The following CASP5 variants were observed in gnomAD, a reference collection of about 807,000 sequenced individuals.
CASP5 encodes caspase-5.
Under a neutral mutation model 45.2 loss-of-function variants are expected in CASP5, and 42 were observed. The observed-to-expected ratio is 0.93, with a 90% confidence interval of 0.73 to 1.20. The LOEUF is 1.20. CASP5 is among the 50% of genes most tolerant of loss of function. The pLI is 0.00. For missense variants in CASP5, 512 were observed against 532.2 expected (o/e 0.96, Z 0.37); for synonymous variants, 209 against 186.2 (o/e 1.12, Z -1.00).
chr11:105,009,770 CG>C (rs1862205849), intron 1 of CASP5, among the ~76,000 whole-genome samples: 2 of 42,956 alleles, frequency 4.7e-5, no homozygotes, highest in East Asian at 5.6e-4. Context: ...CACACACACA[CG>C]TATATATATA....
chr11:105,012,688 A>T (rs1862408596), intron 1 of CASP5, among the ~76,000 whole-genome samples: 1 of 151,844 alleles, frequency 6.6e-6, no homozygotes, highest in Non-Finnish European at 1.5e-5. Context: ...ATCACCAGGG[A>T]CATTAAAACC....
intron 2 of CASP5, among the ~76,000 whole-genome samples, chr11:105,008,602 G>C (rs1191292879): frequency 6.6e-6 from 1 of 151,934 alleles, no homozygotes; most frequent in African/African-American, 2.4e-5. Flanking sequence ...CTGAACCCAA[G>C]GACTCAGCCT....
chr11:105,012,335 CA>C (rs1016215994), intron 1 of CASP5, among the ~76,000 whole-genome samples: 6 of 151,668 alleles, frequency 4.0e-5, no homozygotes, highest in African/African-American at 1.5e-4. Flanking sequence ...AACTACTACA[CA>C]AAAACGTGGA....
At chr11:104,998,228 T>G (rs1861553195) in intron 7 of CASP5, among the ~76,000 whole-genome samples, 2 of 152,202 alleles carry the variant, frequency 1.3e-5, no homozygotes, top group African/African-American at 4.8e-5. Context: ...ACATTAAATA[T>G]GTACAGTTTT....
chr11:105,020,383 G>A (rs11226590), intron 1 of CASP5, among the ~76,000 whole-genome samples: 3,230 of 151,410 alleles, frequency 0.021, 53 homozygotes, highest in Non-Finnish European at 0.033. Context: ...GTTTGCAGAC[G>A]ACATGATTGT....
chr11:105,019,403 C>T (rs1216902526), intron 1 of CASP5, among the ~76,000 whole-genome samples: 7 of 149,360 alleles, frequency 4.7e-5, no homozygotes, highest in African/African-American at 7.4e-5. Context: ...ATTCATAGAC[C>T]GCTAGCAAGA....
At chr11:105,013,640 TAATA>T (rs1449550632) in intron 1 of CASP5, among the ~76,000 whole-genome samples, 1 of 152,076 alleles carries the variant, frequency 6.6e-6, no homozygotes, top group South Asian at 2.1e-4. Flanking sequence ...AAGTTTAAAA[TAATA>T]AATAAATGAC....
rs543534282 is a variant in CASP5, at chr11:105,019,719, C to T, written c.7+3411G>A. 1.9e-4 allele frequency among the ~76,000 whole-genome samples: 27 copies of T among 143,504 alleles called. 2 individuals are homozygous for T. Among genetic ancestry groups the T allele is most frequent in the African/African-American group, 6.8e-4 (27 of 39,990 alleles). 94.1% of individuals were successfully genotyped at this position (143,504 alleles called of 152,430 possible). A position where few individuals can be genotyped will look rare whatever the true frequency, so the allele number is the denominator to read the frequency against. On this transcript the variant is annotated intron_variant, in intron 1 of 9. Coordinates refer to ENST00000260315, the MANE Select transcript of CASP5 (RefSeq NM_004347.5). ...CAGATGGATTCACAGCCGAATTCTACCAGAGGTACAAGGAGGAACTGGTAC... is the reference window on the plus strand; with the variant it reads ...CAGATGGATTCACAGCCGAATTCTATCAGAGGTACAAGGAGGAACTGGTAC...
intron 1 of CASP5, among the ~76,000 whole-genome samples, chr11:105,020,822 T>C (rs1202131906): frequency 6.6e-6 from 1 of 152,074 alleles, no homozygotes. Context: ...ACAGTTCATA[T>C]GGAACCAAAA....
chr11:105,008,581 C>T (rs945991027), intron 2 of CASP5, among the ~76,000 whole-genome samples: 4 of 151,966 alleles, frequency 2.6e-5, no homozygotes, highest in Non-Finnish European at 4.4e-5. Flanking sequence ...TTAATTATTT[C>T]CATGCACAAT....
At chr11:105,013,823 A>C (rs542720) in intron 1 of CASP5, among the ~76,000 whole-genome samples, 14,361 of 151,518 alleles carry the variant, frequency 0.095, 964 homozygotes, top group Admixed American at 0.21. Flanking sequence ...ATAGTAAAAA[A>C]TAATACCTAA....
At position 105,002,564 on chromosome 11, in the gene CASP5, G is replaced by T. The variant is rs561357148; in HGVS notation, c.544-363C>A. Among the ~76,000 whole-genome samples, 186 of 152,186 alleles carry T rather than the reference G, an allele frequency of 1.2e-3. 3 individuals carry two copies. In the South Asian group the frequency reaches 0.036, roughly 29 times the overall value. ...AAATTTTCTTTGCCTTCCGTATTATGATTATTTTGGTACTATTTTAAAAAC... is the reference window on the plus strand; with the variant it reads ...AAATTTTCTTTGCCTTCCGTATTATTATTATTTTGGTACTATTTTAAAAAC... On this transcript the variant is annotated intron_variant, in intron 4 of 9. Coordinates refer to ENST00000260315, the MANE Select transcript of CASP5 (RefSeq NM_004347.5).
chr11:104,997,938 A>G (rs1277218659), intron 7 of CASP5, among the ~76,000 whole-genome samples: 2 of 152,218 alleles, frequency 1.3e-5, no homozygotes, highest in African/African-American at 4.8e-5. Flanking sequence ...ACCATAAAAT[A>G]AACAAAATAG....
At chr11:104,997,344 C>G (rs377357775) in intron 8 of CASP5, 39 bp downstream of exon 8, 1 of 1,357,936 alleles carries the variant, frequency 7.4e-7, no homozygotes, top group Non-Finnish European at 1.1e-6. Context: ...TCTTTCTGAG[C>G]AAATAAGTAA....
At chr11:105,006,941 C>T (rs368927444) in intron 3 of CASP5, 142 bp downstream of exon 3, 1 of 780,678 alleles carries the variant, frequency 1.3e-6, no homozygotes, top group East Asian at 2.5e-5. Flanking sequence ...AAGGTGGTCT[C>T]TAACAGGATG....
chr11:104,996,418 T>A (rs79072122), intron 8 of CASP5, among the ~76,000 whole-genome samples: 12 of 152,292 alleles, frequency 7.9e-5, no homozygotes, highest in African/African-American at 2.4e-4. Flanking sequence ...GGATTTAACT[T>A]CCCAGTTCTC....
At chr11:104,997,565 A>C (rs1861524046) in intron 7 of CASP5, 73 bp from the exon 8 acceptor site, 3 of 850,546 alleles carry the variant, frequency 3.5e-6, no homozygotes, top group Non-Finnish European at 1.9e-6. Flanking sequence ...TTGTTTTTGC[A>C]TAGCTTGAGA....
intron 3 of CASP5, 86 bp from the exon 4 acceptor site, chr11:105,003,469 G>GAA (rs1341454556): frequency 7.3e-6 from 5 of 688,506 alleles, no homozygotes; most frequent in African/African-American, 3.7e-5. Flanking sequence ...GAGAGAGAGA[G>GAA]AAATCCTAGG....
chr11:105,008,914 C>G lies in CASP5; in HGVS notation c.74G>C (p.Gly25Ala). ...GTGGTTTATCACGAAGTTATCCAAT[C>G]CACTCTGAAGGATACCTTTGAACAT... ...EAMFKGILQS[G>A]LDNFVINHML... Residue 25 changes from glycine (G) to alanine (A), a missense_variant, in exon 2 of 10, where the codon GGA becomes GCA. By Grantham distance (60) the Gly-to-Ala change is moderately conservative. Transcript: ENST00000260315. 1 of 1,612,988 alleles carries G rather than the reference C, an allele frequency of 6.2e-7. No homozygotes were observed. The highest frequency in any genetic ancestry group is 8.5e-7 in the Non-Finnish European group (1 of 1,179,232).
Sources: allele counts gnomAD v4.1 joint callset (sites outside exome capture counted in the v4.1 genomes callset), GRCh38; gene constraint gnomAD v4.1.1; transcripts MANE v1.5; gene names NCBI Gene and HGNC (gene_info 2026-07-23, HGNC 2026-07-21).